Variants in LPP observed in about 807,000 individuals in gnomAD.
The protein encoded by LPP is LIM domain containing preferred translocation partner in lipoma.
Under a neutral mutation model 60.4 loss-of-function variants are expected in LPP, and 38 were observed. The ratio of observed to expected loss-of-function variants is 0.63; its 90% CI spans 0.49 to 0.83. LPP has a LOEUF of 0.83. Among genes scored for constraint, LPP ranks in the 40% least tolerant of loss-of-function variants. The pLI is 0.00. For missense variants in LPP, 902 were observed against 783.6 expected, an observed-to-expected ratio of 1.15 and a Z score of -1.80; for synonymous variants, 328 against 290.8, an observed-to-expected ratio of 1.13 and a Z score of -1.30.
intron 2 of LPP, among the ~76,000 whole-genome samples, chr3:188,272,643 T>G (rs1485124089): frequency 6.6e-6 from 1 of 152,212 alleles, no homozygotes. Flanking sequence ...TTGAGAAGAA[T>G]GAATCAGGAT....
chr3:188,291,649 A>G (rs1746010245), intron 2 of LPP, among the ~76,000 whole-genome samples: 1 of 151,054 alleles, frequency 6.6e-6, no homozygotes, highest in Admixed American at 6.6e-5. Context: ...CTGTCTCAAA[A>G]AAAAAAAAAA....
In LPP at chr3:188,785,534, TCATATATATATATAC is replaced by T. The variant is rs1380268386; in HGVS notation, c.1410+25253_1410+25267del. On this transcript the variant is annotated intron_variant, in intron 9 of 11. Transcript: ENST00000617246. ...CATATATATATATATATATATTCCA[TCATATATATATATAC>T]ACACACACACACACACACACACACA... Among the ~76,000 whole-genome samples, 76 of 15,714 alleles carry T rather than the reference TCATATATATATATAC, an allele frequency of 4.8e-3. 17 individuals are homozygous for T. Among genetic ancestry groups the T allele is most frequent in the African/African-American group, 0.033 (70 of 2,148 alleles). The allele number at this position is 15,714 out of a possible 152,430, so 10.3% of individuals were successfully genotyped here.
At chr3:188,372,260 C>T (rs1037603128) in intron 3 of LPP, among the ~76,000 whole-genome samples, 1 of 151,852 alleles carries the variant, frequency 6.6e-6, no homozygotes, top group African/African-American at 2.4e-5. Flanking sequence ...GTATCATGAC[C>T]CTTTTTAGTA....
At chr3:188,156,723 G>A (rs775255233) in intron 1 of LPP, among the ~76,000 whole-genome samples, 10 of 152,012 alleles carry the variant, frequency 6.6e-5, no homozygotes, top group Non-Finnish European at 1.2e-4. Context: ...AGTAGTACCA[G>A]CTGCTTGGGA....
intron 5 of LPP, among the ~76,000 whole-genome samples, chr3:188,489,955 G>A (rs1269054657): frequency 6.6e-6 from 1 of 151,940 alleles, no homozygotes; most frequent in Non-Finnish European, 1.5e-5. Flanking sequence ...TTTCTGTTTG[G>A]TCCTGCAAAA....
intron 8 of LPP, chr3:188,712,958 C>T (rs1712206482): frequency 6.6e-6 from 1 of 152,060 alleles, no homozygotes; most frequent in Non-Finnish European, 1.5e-5. Context: ...AGCCCCTCAT[C>T]ACTCTTAACA....
intron 5 of LPP, among the ~76,000 whole-genome samples, chr3:188,506,257 A>G (rs78525330): frequency 0.012 from 1,864 of 152,274 alleles, 42 homozygotes; most frequent in African/African-American, 0.042. Flanking sequence ...CCATCTTTAC[A>G]TGCAAAAATG....
chr3:188,475,462 T>C (rs1440681370), intron 4 of LPP, among the ~76,000 whole-genome samples: 1 of 152,206 alleles, frequency 6.6e-6, no homozygotes, highest in Admixed American at 6.5e-5. Context: ...TATTGTATAA[T>C]AATTAAGCCA....
intron 2 of LPP, among the ~76,000 whole-genome samples, chr3:188,297,882 A>G (rs1038091760): frequency 2.0e-5 from 3 of 152,202 alleles, no homozygotes; most frequent in African/African-American, 7.2e-5. Flanking sequence ...TTGGCAAAAG[A>G]CATATGTCAT....
Position 188,386,966 on chromosome 3 carries a change from AAT to A in LPP, c.-9-19143_-9-19142del, listed in dbSNP as rs549615620. Among the ~76,000 whole-genome samples the A allele has an allele frequency of 1.6e-3, 241 of 152,268 alleles. 1 individual carries two copies. Among genetic ancestry groups the A allele is most frequent in the African/African-American group, 5.5e-3 (228 of 41,552 alleles). On this transcript the variant is annotated intron_variant, in intron 3 of 11. Coordinates refer to ENST00000617246, the MANE Select transcript of LPP (RefSeq NM_001375462.1). ...GGATACAAAATGCTGTGTAGAAAAG[AAT>A]ATGCTATCTTAAGTCTAGAGAGCTG... is the stretch of plus-strand genomic sequence containing the variant.
chr3:188,667,647 T>A (rs1856087652), intron 7 of LPP, among the ~76,000 whole-genome samples: 1 of 149,880 alleles, frequency 6.7e-6, no homozygotes, highest in Admixed American at 6.7e-5. Context: ...TAGAACTTGG[T>A]ATTCTCAACC....
chr3:188,173,041 G>C (rs968828107), intron 1 of LPP, among the ~76,000 whole-genome samples: 6 of 152,048 alleles, frequency 3.9e-5, no homozygotes, highest in Non-Finnish European at 7.4e-5. Context: ...ATAAATTTTT[G>C]TATTTTTTGT....
At chr3:188,200,730 T>C (rs984893650) in intron 1 of LPP, among the ~76,000 whole-genome samples, 2 of 152,180 alleles carry the variant, frequency 1.3e-5, no homozygotes, top group African/African-American at 4.8e-5. Context: ...ATGGGGAATG[T>C]AATTTTTAAG....
At chr3:188,329,870 C>T (rs1759503185) in intron 2 of LPP, among the ~76,000 whole-genome samples, 1 of 152,070 alleles carries the variant, frequency 6.6e-6, no homozygotes, top group African/African-American at 2.4e-5. Flanking sequence ...GTTGAAGGAC[C>T]CATGCCATTC....
chr3:188,861,044 G>A (rs1166678246), intron 9 of LPP, among the ~76,000 whole-genome samples: 1 of 152,160 alleles, frequency 6.6e-6, no homozygotes, highest in Non-Finnish European at 1.5e-5. Flanking sequence ...CCAGCAGTTG[G>A]ACTAGAATCA....
In LPP at chr3:188,425,839, T is replaced by C. The variant is rs925263401; in HGVS notation, c.193+19526T>C. Among the ~76,000 whole-genome samples the C allele has an allele frequency of 4.6e-5, 7 of 152,306 alleles. 1 individual carries two copies. The highest frequency in any genetic ancestry group is 6.5e-5 in the Admixed American group (1 of 15,292). On this transcript the variant is annotated intron_variant, in intron 4 of 11. Transcript: ENST00000617246. The stretch of plus-strand genomic sequence containing the variant: ...TTGTGTCTATTTGATTCTTCTCTCT[T>C]TTCTTCTTTATTAGCCTGGCTAGTG...
chr3:188,376,660 A>G (rs1269012232), intron 3 of LPP, among the ~76,000 whole-genome samples: 7 of 152,026 alleles, frequency 4.6e-5, no homozygotes, highest in Non-Finnish European at 7.4e-5. Flanking sequence ...TCTTTATCCA[A>G]TTTGCCAGTC....
chr3:188,589,429 C>T (rs1286321853), intron 6 of LPP, among the ~76,000 whole-genome samples: 5 of 152,204 alleles, frequency 3.3e-5, no homozygotes, highest in Admixed American at 6.5e-5. Context: ...AATTCTCTAT[C>T]CTGGATAATT....
intron 7 of LPP, among the ~76,000 whole-genome samples, chr3:188,642,259 T>C (rs1234555760): frequency 6.6e-6 from 1 of 152,198 alleles, no homozygotes; most frequent in Non-Finnish European, 1.5e-5. Context: ...CATTGGACAG[T>C]GACTCAGTGT....
Sources: allele counts gnomAD v4.1 joint callset (sites outside exome capture counted in the v4.1 genomes callset), GRCh38; gene constraint gnomAD v4.1.1; transcripts MANE v1.5; gene names NCBI Gene and HGNC (gene_info 2026-07-23, HGNC 2026-07-21).